The following MAPK10 variants were observed in gnomAD, a reference collection of about 807,000 sequenced individuals.
MAPK10 encodes JNK3 alpha protein kinase.
Under a neutral mutation model 59.3 loss-of-function variants are expected in MAPK10, and 25 were observed. The ratio of observed to expected loss-of-function variants is 0.42; its 90% confidence interval spans 0.31 to 0.59. The LOEUF (loss-of-function observed/expected upper bound fraction) is 0.59, where lower values mean the gene tolerates loss of function less well. Ranked by LOEUF, MAPK10 falls within the 20% of genes least tolerant of loss-of-function variation. The pLI, the probability that MAPK10 is intolerant of heterozygous loss-of-function variation, is 0.15. For synonymous variants in MAPK10, 190 were observed against 200.5 expected (o/e 0.95, Z 0.44); for missense variants, 351 against 568.9 (o/e 0.62, Z 3.90).
chr4:86,090,670 T>C (rs1443723895), intron 9 of MAPK10: 1 of 152,196 alleles, frequency 6.6e-6, no homozygotes, highest in Non-Finnish European at 1.5e-5. Context: ...AACATATTTA[T>C]TTTTAAATTC....
At chr4:86,458,386 C>T (rs933879177) in intron 1 of MAPK10, among the ~76,000 whole-genome samples, 1 of 151,748 alleles carries the variant, frequency 6.6e-6, no homozygotes, top group African/African-American at 2.4e-5. Flanking sequence ...CACTTGAACC[C>T]AGGAGGCAAG....
chr4:86,031,598 T>C (rs10516763), intron 11 of MAPK10, 167 bp from the exon 12 acceptor site: 92,965 of 555,520 alleles, frequency 0.17, 9,647 homozygotes, highest in African/African-American at 0.35. Context: ...TGTAAACTTA[T>C]GGAGGATTCA....
upstream of MAPK10, among the ~76,000 whole-genome samples, chr4:86,364,391 C>T (rs1489410948): frequency 3.3e-5 from 5 of 152,010 alleles, no homozygotes; most frequent in African/African-American, 1.2e-4. Context: ...GACCTCCCAA[C>T]GTGCTGAGAT....
At chr4:86,177,170 G>C (rs1562728395) in intron 3 of MAPK10, among the ~76,000 whole-genome samples, 1 of 152,072 alleles carries the variant, frequency 6.6e-6, no homozygotes, top group Non-Finnish European at 1.5e-5. Context: ...TACATCCACA[G>C]TTCAACCTGC....
At chr4:86,146,458 A>T (rs1434158787) in intron 4 of MAPK10, among the ~76,000 whole-genome samples, 2 of 152,202 alleles carry the variant, frequency 1.3e-5, no homozygotes, top group Admixed American at 1.3e-4. Context: ...GCAAAATCCT[A>T]GTCTTTTTCC....
chr4:86,076,071 G>T (rs2049331297), intron 9 of MAPK10, among the ~76,000 whole-genome samples: 1 of 152,152 alleles, frequency 6.6e-6, no homozygotes, highest in African/African-American at 2.4e-5. Flanking sequence ...GACCCTCCGA[G>T]CCAGGTGTGG....
Position 86,014,905 on chromosome 4 carries a change from T to C in MAPK10, c.*2323A>G, listed in dbSNP as rs1444309939. 6.6e-6 allele frequency: 1 copy of C among 150,782 alleles called. No homozygotes were observed. Among genetic ancestry groups the C allele is most frequent in the African/African-American group, 2.4e-5 (1 of 40,906 alleles). 9.3% of individuals were successfully genotyped at this position (150,782 alleles called of 1,614,324 possible). A position where few individuals can be genotyped will look rare whatever the true frequency, so the allele number is the denominator to read the frequency against. ...TTCCTGCTCTCCGCACTTAATCCCA[T>C]GTGGTATAAAGTAAGGGAGGGGAGA... On this transcript the variant is annotated 3_prime_UTR_variant, in exon 14 of 14. Transcript: ENST00000641462.
chr4:86,280,618 C>T (rs2094761993), intron 2 of MAPK10, among the ~76,000 whole-genome samples: 1 of 151,992 alleles, frequency 6.6e-6, no homozygotes, highest in Non-Finnish European at 1.5e-5. Context: ...GAAAATAAAT[C>T]GTTCTACCAA....
intron 4 of MAPK10, among the ~76,000 whole-genome samples, chr4:86,118,943 C>T (rs555445610): frequency 2.2e-4 from 34 of 152,188 alleles, no homozygotes; most frequent in Non-Finnish European, 4.4e-4. Context: ...AACAGGAATG[C>T]TCTTCTTGCA....
At chr4:86,354,412 C>T (rs1018939664) in intron 2 of MAPK10, 118 bp downstream of exon 2, 14 of 427,414 alleles carry the variant, frequency 3.3e-5, no homozygotes, top group East Asian at 1.1e-4. Context: ...CTTCTGTAGT[C>T]GAAATTATTT....
At chr4:86,075,965 G>C (rs559198537) in intron 9 of MAPK10, among the ~76,000 whole-genome samples, 1 of 151,904 alleles carries the variant, frequency 6.6e-6, no homozygotes, top group East Asian at 1.9e-4. Flanking sequence ...AAGCAAGCCT[G>C]GGCAATGGCG....
chr4:86,405,291 T>TA, intron 1 of MAPK10, among the ~76,000 whole-genome samples: 1 of 152,306 alleles, frequency 6.6e-6, no homozygotes, highest in East Asian at 1.9e-4. Flanking sequence ...AATGTGTTGT[T>TA]AAAACTAAAG....
intron 3 of MAPK10, among the ~76,000 whole-genome samples, chr4:86,184,810 C>T (rs767716160): frequency 2.0e-5 from 3 of 152,094 alleles, no homozygotes; most frequent in Admixed American, 6.6e-5. Flanking sequence ...CTTGTACTGT[C>T]GCAGAACCAT....
chr4:86,340,884 C>A (rs1724498565), intron 2 of MAPK10, among the ~76,000 whole-genome samples: 1 of 152,196 alleles, frequency 6.6e-6, no homozygotes, highest in Non-Finnish European at 1.5e-5. Context: ...ACTACTCAAT[C>A]ATTTTCCACC....
At chr4:86,297,296 T>TTTTG (rs914771495) in intron 2 of MAPK10, among the ~76,000 whole-genome samples, 4 of 152,048 alleles carry the variant, frequency 2.6e-5, no homozygotes, top group South Asian at 2.1e-4. Flanking sequence ...TATATAGAGT[T>TTTTG]TTTGTTTGTT....
At chr4:86,274,456 TC>T (rs990449833) in intron 2 of MAPK10, among the ~76,000 whole-genome samples, 5 of 152,074 alleles carry the variant, frequency 3.3e-5, no homozygotes, top group Non-Finnish European at 5.9e-5. Flanking sequence ...TCTTTTTTTT[TC>T]CTATTCCAAT....
At position 86,329,588 on chromosome 4, in the gene MAPK10, G is replaced by T. The variant is rs113705470; in HGVS notation, c.-7+24942C>A. 4.9e-4 allele frequency among the ~76,000 whole-genome samples: 74 copies of T among 152,272 alleles called. 1 individual carries two copies. Among genetic ancestry groups the T allele is most frequent in the African/African-American group, 1.5e-3 (64 of 41,564 alleles). The stretch of plus-strand genomic sequence containing the variant: ...TTGGTCCAAGCCAGCAGCAACGAGA[G>T]ATCCCAGTTTGGGGCTTATGACAGT... On this transcript the variant is annotated intron_variant, in intron 2 of 13. Coordinates refer to ENST00000641462, the MANE Select transcript of MAPK10 (RefSeq NM_138982.4).
At chr4:86,395,860 C>T (rs1291616922) in intron 1 of MAPK10, among the ~76,000 whole-genome samples, 1 of 152,172 alleles carries the variant, frequency 6.6e-6, no homozygotes, top group East Asian at 1.9e-4. Flanking sequence ...ATCATGGGGG[C>T]TCCACCCTTA....
intron 2 of MAPK10, among the ~76,000 whole-genome samples, chr4:86,320,372 T>C (rs1187879197): frequency 6.6e-6 from 1 of 152,224 alleles, no homozygotes; most frequent in East Asian, 1.9e-4. Flanking sequence ...CCTGCAGTGA[T>C]AGAACTTGAT....
Sources: allele counts gnomAD v4.1 joint callset (sites outside exome capture counted in the v4.1 genomes callset), GRCh38; gene constraint gnomAD v4.1.1; transcripts MANE v1.5; gene names NCBI Gene and HGNC (gene_info 2026-07-23, HGNC 2026-07-21).